The following JAML variants were observed in gnomAD, a reference collection of about 807,000 sequenced individuals.
JAML encodes junction adhesion molecule like, also known as junctional adhesion molecule-like.
A neutral mutation model predicts 39.3 loss-of-function variants in JAML; 25 were observed. The ratio of observed to expected loss-of-function variants is 0.64; its 90% CI spans 0.46 to 0.89. The LOEUF (loss-of-function observed/expected upper bound fraction) is 0.89. JAML is among the 40% of genes least tolerant of loss of function. The pLI, the probability that JAML is intolerant of heterozygous loss-of-function variation, is 0.00. For missense variants in JAML, 440 were observed against 486.9 expected (o/e 0.90, Z 0.91); for synonymous variants, 162 against 179.2 (o/e 0.90, Z 0.77).
chr11:118,198,052 C>T lies in JAML; in HGVS notation c.951G>A (p.Lys317=), dbSNP rs772007808. The change falls in exon 8 of 10, where the codon AAG becomes AAA. Residue 317 remains lysine (K), a synonymous_variant. Transcript: ENST00000356289. ...NSTVLVKNTK[K]TNPEIKEKPC... ...GTTTTTCTTTTATCTCTGGATTAGT[C>T]TTCTTCGTGTTCTTCACCAAGACTG... 2 of 1,614,156 alleles carry T rather than the reference C, an allele frequency of 1.2e-6. No homozygotes were observed. Among genetic ancestry groups the T allele is most frequent in the African/African-American group, 1.3e-5 (1 of 75,054 alleles).
intron 9 of JAML, 44 bp downstream of exon 9, chr11:118,196,691 G>A (rs753259263): frequency 2.0e-5 from 31 of 1,541,612 alleles, no homozygotes; most frequent in Non-Finnish European, 2.5e-5. Context: ...ACCACCACCT[G>A]AGCCTCTGAC....
chr11:118,201,727 C>T (rs959672443), intron 6 of JAML: 3 of 152,242 alleles, frequency 2.0e-5, no homozygotes, highest in African/African-American at 7.2e-5. Context: ...TGAAGACAGC[C>T]AGAACTAAGG....
At chr11:118,217,441 A>G (rs1228322528) in intron 1 of JAML, among the ~76,000 whole-genome samples, 1 of 152,220 alleles carries the variant, frequency 6.6e-6, no homozygotes, top group African/African-American at 2.4e-5. Context: ...TCAGTCCTAC[A>G]TACTCGGATG....
At chr11:118,219,258 A>C (rs1254553878) in intron 1 of JAML, among the ~76,000 whole-genome samples, 1 of 152,230 alleles carries the variant, frequency 6.6e-6, no homozygotes, top group Non-Finnish European at 1.5e-5. Flanking sequence ...TTATTATCAA[A>C]AAGACAAAAA....
intron 8 of JAML, 141 bp from the exon 9 acceptor site, chr11:118,196,962 C>T: frequency 3.1e-6 from 2 of 636,256 alleles, no homozygotes; most frequent in South Asian, 3.7e-5. Flanking sequence ...AGAGAATTCT[C>T]AACAATGATA....
intron 4 of JAML, 30 bp downstream of exon 4, chr11:118,210,457 T>C (rs1949026549): frequency 6.2e-7 from 1 of 1,609,210 alleles, no homozygotes; most frequent in Admixed American, 1.7e-5. Context: ...TCTTGCCCCT[T>C]GGCCCCTCTT....
chr11:118,201,360 T>C (rs1315954213), intron 6 of JAML: 1 of 152,150 alleles, frequency 6.6e-6, no homozygotes, highest in East Asian at 1.9e-4. Flanking sequence ...GGGAAGACAA[T>C]ATGGAGAAGG....
chr11:118,224,205 T>C (rs1475124282), intron 1 of JAML: 1 of 152,192 alleles, frequency 6.6e-6, no homozygotes, highest in African/African-American at 2.4e-5. Flanking sequence ...CTAGGTCACA[T>C]CGGTTAATGC....
chr11:118,216,611 C>G (rs1361189856), intron 1 of JAML, among the ~76,000 whole-genome samples: 1 of 152,100 alleles, frequency 6.6e-6, no homozygotes, highest in African/African-American at 2.4e-5. Flanking sequence ...GAAGCATTAC[C>G]ATGGAAGATT....
intron 7 of JAML, 101 bp downstream of exon 7, chr11:118,200,373 A>C: frequency 7.2e-7 from 1 of 1,392,866 alleles, no homozygotes; most frequent in Non-Finnish European, 9.9e-7. Context: ...CCCTTCTGTG[A>C]GAATGGCATA....
At chr11:118,221,511 A>G (rs896772231) in intron 1 of JAML, among the ~76,000 whole-genome samples, 1 of 152,240 alleles carries the variant, frequency 6.6e-6, no homozygotes, top group Non-Finnish European at 1.5e-5. Context: ...GCAGTTCACC[A>G]TAGGGTTCAT....
intron 1 of JAML, among the ~76,000 whole-genome samples, chr11:118,224,649 C>T (rs796283221): frequency 8.5e-5 from 13 of 152,306 alleles, no homozygotes; most frequent in South Asian, 2.1e-4. Context: ...CCTAAACCCA[C>T]GGGTGACTTA....
In JAML at chr11:118,194,175, C is replaced by T. The variant is rs1374522394; in HGVS notation, c.*150G>A. 8.7e-6 allele frequency: 6 copies of T among 691,934 alleles called. No homozygotes were observed. Among genetic ancestry groups the T allele is most frequent in the Non-Finnish European group, 1.5e-5 (6 of 393,162 alleles). 42.9% of individuals were successfully genotyped at this position (691,934 alleles called of 1,614,324 possible). ...AGCTGTCCAGTCTCTCTGCCAGGCT[C>T]CAAATTCTCCATCTTCAGTGTATTG... On this transcript the variant is annotated 3_prime_UTR_variant, in exon 10 of 10. Transcript: ENST00000356289.
intron 6 of JAML, chr11:118,202,968 T>G (rs978448707): frequency 2.2e-6 from 1 of 456,996 alleles, no homozygotes; most frequent in African/African-American, 2.0e-5. Flanking sequence ...AAACCCTCCA[T>G]TTTTGGTTCT....
intron 8 of JAML, chr11:118,197,476 A>C (rs1342035670): frequency 6.5e-6 from 1 of 152,810 alleles, no homozygotes; most frequent in Non-Finnish European, 1.5e-5. Context: ...CTCCATTACA[A>C]AATCAATATG....
At chr11:118,220,042 C>T (rs567804936) in intron 1 of JAML, among the ~76,000 whole-genome samples, 107 of 152,298 alleles carry the variant, frequency 7.0e-4, no homozygotes, top group African/African-American at 2.5e-3. Flanking sequence ...GAGAGGAAAA[C>T]CCTCTCCTAC....
chr11:118,209,081 TC>T (rs1948987093), intron 4 of JAML: 1 of 265,222 alleles, frequency 3.8e-6, no homozygotes. Flanking sequence ...CTCCACCCTT[TC>T]CTTTAGAGCC....
intron 1 of JAML, among the ~76,000 whole-genome samples, chr11:118,221,663 C>T (rs2134680331): frequency 6.6e-6 from 1 of 152,324 alleles, no homozygotes; most frequent in South Asian, 2.1e-4. Context: ...GTCTACTGCC[C>T]AGGGGTTGGG....
intron 4 of JAML, among the ~76,000 whole-genome samples, chr11:118,209,393 G>A (rs147112430): frequency 7.9e-5 from 12 of 152,162 alleles, no homozygotes; most frequent in South Asian, 6.2e-4. Flanking sequence ...CCCCTGCCCC[G>A]CTCTTACCCT....
Sources: allele counts gnomAD v4.1 joint callset (sites outside exome capture counted in the v4.1 genomes callset), GRCh38; gene constraint gnomAD v4.1.1; transcripts MANE v1.5; gene names NCBI Gene and HGNC (gene_info 2026-07-23, HGNC 2026-07-21).